Variants in UTRN observed in about 807,000 individuals in gnomAD.
UTRN encodes dystrophin-related protein 1.
UTRN carries 283 observed loss-of-function variants against 463.9 expected under a neutral mutation model. That is an observed-to-expected ratio of 0.61 (90% CI 0.55 to 0.67). UTRN has a LOEUF of 0.67. Ranked by LOEUF, UTRN falls within the 30% of genes least tolerant of loss-of-function variation. The probability of loss-of-function intolerance (pLI) is 0.00; values close to 1 mark genes in which losing one functional copy is unlikely to be tolerated. For synonymous variants in UTRN, 1,442 were observed against 1,431.5 expected (o/e 1.01, Z -0.17); for missense variants, 3,922 against 4,084.3 (o/e 0.96, Z 1.08).
At chr6:144,666,914 G>A (rs186214237) in intron 51 of UTRN, among the ~76,000 whole-genome samples, 3 of 152,272 alleles carry the variant, frequency 2.0e-5, no homozygotes, top group Admixed American at 6.5e-5. Context: ...GTGAGAAGGC[G>A]AATTTTCTTT....
At position 144,456,395 on chromosome 6, in the gene UTRN, C is replaced by CT. The variant is rs570320746; in HGVS notation, c.2285-2374dup. 5.3e-3 allele frequency among the ~76,000 whole-genome samples: 803 copies of CT among 152,174 alleles called. 5 individuals carry two copies. The highest frequency in any genetic ancestry group is 0.019 in the African/African-American group (777 of 41,518). ...TGAGGCTGGGCGCAGTGGCTCACAC[C>CT]TGTAATCCCAGAACTTTGGGAGGCC... On this transcript the variant is annotated intron_variant, in intron 19 of 74. Transcript: ENST00000367545.
intron 50 of UTRN, among the ~76,000 whole-genome samples, chr6:144,566,633 A>T (rs1043592739): frequency 3.9e-5 from 6 of 152,130 alleles, no homozygotes; most frequent in Non-Finnish European, 8.8e-5. Context: ...TCACTTCCTC[A>T]TTGAGGCAGT....
intron 34 of UTRN, among the ~76,000 whole-genome samples, chr6:144,504,166 C>T (rs563071621): frequency 3.3e-5 from 5 of 152,166 alleles, no homozygotes; most frequent in Non-Finnish European, 1.5e-5. Flanking sequence ...TCTAAATATA[C>T]AATTATGTCA....
chr6:144,527,034 A>G (rs188714257), intron 41 of UTRN, among the ~76,000 whole-genome samples: 26 of 152,140 alleles, frequency 1.7e-4, no homozygotes, highest in Admixed American at 4.6e-4. Flanking sequence ...TCCTGACCTC[A>G]GGTGATCCAC....
intron 25 of UTRN, among the ~76,000 whole-genome samples, chr6:144,477,056 CTG>C (rs1791287373): frequency 6.6e-6 from 1 of 152,056 alleles, no homozygotes; most frequent in Non-Finnish European, 1.5e-5. Context: ...CAAGTGAAGT[CTG>C]TGATTATGCG....
chr6:144,351,278 A>T (rs1357717179), intron 2 of UTRN, among the ~76,000 whole-genome samples: 3 of 152,216 alleles, frequency 2.0e-5, no homozygotes, highest in Non-Finnish European at 2.9e-5. Context: ...GTACAGGAAA[A>T]AATACATTTA....
chr6:144,433,486 G>A (rs1313532050), intron 9 of UTRN, among the ~76,000 whole-genome samples: 1 of 151,028 alleles, frequency 6.6e-6, no homozygotes, highest in Non-Finnish European at 1.5e-5. Context: ...GCCAGGCAGA[G>A]GGTCTCCTCA....
chr6:144,816,230 G>A (rs1452985093), intron 65 of UTRN, among the ~76,000 whole-genome samples: 9 of 152,130 alleles, frequency 5.9e-5, no homozygotes, highest in Admixed American at 5.9e-4. Flanking sequence ...TGGCAGGTGT[G>A]GAGGAGGGAC....
chr6:144,303,430 A>C (rs546109979), intron 2 of UTRN, among the ~76,000 whole-genome samples: 1 of 152,344 alleles, frequency 6.6e-6, no homozygotes, highest in African/African-American at 2.4e-5. Flanking sequence ...TTCAAATCGT[A>C]CTGTAATTCA....
intron 3 of UTRN, among the ~76,000 whole-genome samples, chr6:144,416,053 A>ATGTG (rs150925725): frequency 3.4e-5 from 5 of 147,038 alleles, no homozygotes; most frequent in South Asian, 4.3e-4. Flanking sequence ...GTGTGTGTGT[A>ATGTG]TGTGTGTGTG....
At chr6:144,839,593 ACTTT>A (rs1441182135) in intron 72 of UTRN, among the ~76,000 whole-genome samples, 4 of 152,126 alleles carry the variant, frequency 2.6e-5, no homozygotes, top group Non-Finnish European at 4.4e-5. Context: ...TTTTTAGTAC[ACTTT>A]CTGTCTCTAA....
chr6:144,623,665 A>T (rs1196173574), intron 51 of UTRN, among the ~76,000 whole-genome samples: 1 of 152,210 alleles, frequency 6.6e-6, no homozygotes, highest in Non-Finnish European at 1.5e-5. Context: ...AGTTACAGAG[A>T]TAGAAAATGT....
rs1031542932 is a variant in UTRN, at chr6:144,421,903, T to C, written c.167T>C (p.Met56Thr). 1 of 1,612,626 alleles carries C rather than the reference T, an allele frequency of 6.2e-7. No homozygotes were observed. The highest frequency in any genetic ancestry group is 8.5e-7 in the Non-Finnish European group (1 of 1,179,338). ...AGTGGGAAACCACCCATCAATGATA[T>C]GTTCACAGACCTCAAAGATGGAAGG... ...SKSGKPPIND[M>T]FTDLKDGRKL... Residue 56 changes from methionine to threonine, a missense_variant, in exon 4 of 75, where the codon ATG (methionine) becomes ACG (threonine). Coordinates refer to ENST00000367545, the MANE Select transcript of UTRN (RefSeq NM_007124.3).
intron 50 of UTRN, among the ~76,000 whole-genome samples, chr6:144,558,515 G>T (rs1799581739): frequency 6.6e-6 from 1 of 152,094 alleles, no homozygotes; most frequent in African/African-American, 2.4e-5. Flanking sequence ...ATAGCATTAG[G>T]AGATATACCT....
intron 51 of UTRN, among the ~76,000 whole-genome samples, chr6:144,668,909 T>G (rs1780705031): frequency 6.6e-6 from 1 of 152,240 alleles, no homozygotes; most frequent in East Asian, 1.9e-4. Context: ...TGCTCTCCTT[T>G]ACTAATTCAG....
intron 3 of UTRN, among the ~76,000 whole-genome samples, chr6:144,406,865 C>T (rs1029891588): frequency 6.6e-6 from 1 of 152,064 alleles, no homozygotes; most frequent in African/African-American, 2.4e-5. Context: ...TAAATAGCTG[C>T]CTCCCAATTT....
At chr6:144,516,981 A>G in intron 39 of UTRN, 33 bp downstream of exon 39, 3 of 1,409,898 alleles carry the variant, frequency 2.1e-6, no homozygotes, top group African/African-American at 1.5e-5. Context: ...GTTGCATTTA[A>G]ATACCTTACT....
intron 52 of UTRN, among the ~76,000 whole-genome samples, chr6:144,695,013 T>G (rs1418170293): frequency 6.6e-6 from 1 of 151,368 alleles, no homozygotes; most frequent in East Asian, 2.0e-4. Flanking sequence ...TGATTGATAC[T>G]CTTTATGCTA....
At chr6:144,642,711 A>G (rs900792682) in intron 51 of UTRN, among the ~76,000 whole-genome samples, 19 of 151,916 alleles carry the variant, frequency 1.3e-4, no homozygotes, top group African/African-American at 4.4e-4. Context: ...GAAGGAGGAG[A>G]TTTTTTTTCC....
Sources: gnomAD v4.1 joint callset for allele counts (sites outside exome capture counted in the v4.1 genomes callset) on GRCh38, gnomAD v4.1.1 for gene constraint, MANE v1.5 for transcripts, NCBI Gene and HGNC (gene_info 2026-07-23, HGNC 2026-07-21) for gene names.